ATG7: variants seen among roughly 807,000 people sequenced by gnomAD.
ATG7 encodes ubiquitin-like modifier-activating enzyme ATG7.
In ATG7, 70 loss-of-function variants were observed where a neutral mutation model predicts 82.4. The observed-to-expected ratio is 0.85, with a 90% confidence interval of 0.70 to 1.04. The LOEUF is 1.04. Ranked by LOEUF, ATG7 falls within the 50% of genes least tolerant of loss-of-function variation. The pLI is 0.00. For missense variants in ATG7, 792 were observed against 864.3 expected (o/e 0.92, Z 1.05); for synonymous variants, 287 against 313.0 (o/e 0.92, Z 0.88).
At chr3:11,292,830 C>G (rs1202788298) in intron 3 of ATG7, among the ~76,000 whole-genome samples, 2 of 149,626 alleles carry the variant, frequency 1.3e-5, no homozygotes, top group African/African-American at 4.9e-5. Flanking sequence ...AAAATTGGAG[C>G]TATTCCTTAG....
intron 19 of ATG7, among the ~76,000 whole-genome samples, chr3:11,418,033 G>A (rs879677074): frequency 4.0e-5 from 6 of 150,888 alleles, no homozygotes; most frequent in East Asian, 2.0e-4. Context: ...GGATGGTCTC[G>A]ATCTCCTAAC....
downstream of ATG7, chr3:11,558,305 A>C: frequency 1.7e-6 from 1 of 593,980 alleles, no homozygotes; most frequent in East Asian, 2.9e-5. Context: ...TAACTGAGGC[A>C]GGAAGTAAGG....
At chr3:11,334,773 T>G (rs2606745) in intron 11 of ATG7, among the ~76,000 whole-genome samples, 151,022 of 151,030 alleles carry the variant, frequency 1, 75,507 homozygotes, top group Middle Eastern at 1. Context: ...GCCTGGCCGA[T>G]ATGGCGAAAC....
At chr3:11,428,855 A>T (rs1171586500) in intron 20 of ATG7, among the ~76,000 whole-genome samples, 1 of 152,212 alleles carries the variant, frequency 6.6e-6, no homozygotes, top group Non-Finnish European at 1.5e-5. Context: ...TTTAAAACAG[A>T]GCAGTTGCTA....
chr3:11,339,992 C>A (rs1433703209), intron 11 of ATG7, among the ~76,000 whole-genome samples: 1 of 152,176 alleles, frequency 6.6e-6, no homozygotes, highest in Non-Finnish European at 1.5e-5. Context: ...ATAGGACACA[C>A]TTTGGGAACT....
chr3:11,479,260 GTTCAGAGCTAATTT>G (rs750132375), intron 20 of ATG7, among the ~76,000 whole-genome samples: 23 of 152,108 alleles, frequency 1.5e-4, no homozygotes, highest in Admixed American at 1.4e-3. Flanking sequence ...AATTGGGCAG[GTTCAGAGCTAATTT>G]TTTCTTTAGG....
intron 16 of ATG7, among the ~76,000 whole-genome samples, chr3:11,361,694 G>A (rs1380138159): frequency 2.0e-5 from 3 of 152,084 alleles, no homozygotes; most frequent in Non-Finnish European, 4.4e-5. Context: ...ATTCTCCCTA[G>A]CAATGCTAAT....
chr3:11,524,184 C>T (rs1337465998), intron 20 of ATG7, among the ~76,000 whole-genome samples: 1 of 152,204 alleles, frequency 6.6e-6, no homozygotes, highest in African/African-American at 2.4e-5. Flanking sequence ...TGATTGTCTA[C>T]CTGGCAGGCT....
chr3:11,333,803 A>G (rs1178728468), intron 11 of ATG7, among the ~76,000 whole-genome samples: 1 of 148,114 alleles, frequency 6.8e-6, no homozygotes, highest in Non-Finnish European at 1.5e-5. Flanking sequence ...GCTAGAGTGC[A>G]GTGGCGTGAT....
rs1480162249 is a variant in ATG7 at position 11,556,831 on chromosome 3, A to AAAGC, written c.*1989_*1992dup. ...CAGAAAATATAGGGGCCTGAATGCC[A>AAAGC]AAGCTTGGAAGCCCAGTACAGTGGG... is the stretch of plus-strand genomic sequence containing the variant. On this transcript the variant is annotated 3_prime_UTR_variant, in exon 21 of 21. Transcript: ENST00000693202. 5 of 152,794 alleles carry AAAGC rather than the reference A, an allele frequency of 3.3e-5. No homozygotes were observed. Among genetic ancestry groups the AAAGC allele is most frequent in the African/African-American group, 1.2e-4 (5 of 41,464 alleles). The allele number at this position is 152,794 out of a possible 1,614,324, so 9.5% of individuals were successfully genotyped here. A position where few individuals can be genotyped will look rare whatever the true frequency, so the allele number is the denominator to read the frequency against.
intron 18 of ATG7, among the ~76,000 whole-genome samples, chr3:11,371,955 G>C (rs7627171): frequency 0.54 from 80,829 of 150,900 alleles, 23,762 homozygotes; most frequent in East Asian, 0.69. Context: ...TGTCCAGCTG[G>C]GAACAGCCCG....
At chr3:11,572,842 G>A in the ATG7 span, among the ~76,000 whole-genome samples, 2 of 151,984 alleles carry the variant, frequency 1.3e-5, no homozygotes, top group East Asian at 3.9e-4. Flanking sequence ...ATGGACCGGC[G>A]CCTGGGCACT....
chr3:11,365,695 T>G (rs1256816419), intron 18 of ATG7, among the ~76,000 whole-genome samples: 2 of 152,164 alleles, frequency 1.3e-5, no homozygotes, highest in Non-Finnish European at 2.9e-5. Context: ...ACCCACCTTC[T>G]GCCAGCTAGG....
chr3:11,496,841 A>G (rs2090870823), intron 20 of ATG7, among the ~76,000 whole-genome samples: 1 of 152,012 alleles, frequency 6.6e-6, no homozygotes, highest in African/African-American at 2.4e-5. Context: ...TCCTTATGTC[A>G]TGTCTTTTTA....
chr3:11,298,621 GTTCT>G, intron 3 of ATG7, 61 bp from the exon 4 acceptor site: 2 of 1,469,356 alleles, frequency 1.4e-6, no homozygotes, highest in East Asian at 4.6e-5. Context: ...TATTACAAAT[GTTCT>G]TTCTCACCAG....
chr3:11,327,656 G>A (rs1420993329), intron 9 of ATG7, among the ~76,000 whole-genome samples: 1 of 152,204 alleles, frequency 6.6e-6, no homozygotes, highest in Non-Finnish European at 1.5e-5. Context: ...CAGTACTCAA[G>A]CCAGACTCCA....
intron 20 of ATG7, among the ~76,000 whole-genome samples, chr3:11,539,292 G>C (rs1277854369): frequency 6.6e-6 from 1 of 152,224 alleles, no homozygotes. Context: ...GGCACAAAGA[G>C]ATTAAATAAA....
intron 20 of ATG7, among the ~76,000 whole-genome samples, chr3:11,427,846 C>G (rs1019519437): frequency 6.6e-6 from 1 of 151,674 alleles, no homozygotes; most frequent in Non-Finnish European, 1.5e-5. Context: ...TGTGTTTTTC[C>G]AAATGCTCGC....
chr3:11,568,538 C>T, the ATG7 span: 14 of 1,548,706 alleles, frequency 9.0e-6, no homozygotes, highest in Non-Finnish European at 6.1e-6. The surrounding 1 kb of genome is among the most constrained non-coding windows in gnomAD (Gnocchi z 5.9). Flanking sequence ...GACAAAGACA[C>T]TGAAAACAGC....
Sources: allele counts gnomAD v4.1 joint callset (sites outside exome capture counted in the v4.1 genomes callset), GRCh38; gene constraint gnomAD v4.1.1; non-coding constraint Gnocchi (gnomAD v3.1); transcripts MANE v1.5; gene names NCBI Gene and HGNC (gene_info 2026-07-23, HGNC 2026-07-21).